The following MAP4K1 variants were observed in gnomAD, a reference collection of about 807,000 sequenced individuals.
The protein encoded by MAP4K1 is MAPK/ERK kinase kinase kinase 1.
Under a neutral mutation model 122.8 loss-of-function variants are expected in MAP4K1, and 35 were observed. The observed-to-expected ratio is 0.29, with a 90% CI of 0.22 to 0.38. MAP4K1 has a LOEUF of 0.38. MAP4K1 is among the 10% of genes least tolerant of loss of function. MAP4K1 has a pLI of 1.00. For missense variants in MAP4K1, 791 were observed against 1,072.6 expected, an observed-to-expected ratio of 0.74 and a Z score of 3.67; for synonymous variants, 412 against 421.3, an observed-to-expected ratio of 0.98 and a Z score of 0.27.
chr19:38,595,992 C>G lies in MAP4K1; in HGVS notation c.2126G>C (p.Gly709Ala). ...CTCTACCTGGGTCACCTGCACGGGT[C>G]CCCTGTGCTCTGTTTGGGGGGAGTG... is the stretch of plus-strand genomic sequence containing the variant. ...WLGEMSTEHR[G>A]PVQVTQVEED... Residue 709 changes from glycine to alanine, a missense_variant, in exon 27 of 31, where the codon GGA (glycine) becomes GCA (alanine). By Grantham distance (60) the Gly-to-Ala change is moderately conservative (BLOSUM62 0). This residue lies in a region of MAP4K1 where 267 missense variants were observed against 323.0 expected (regional missense o/e 0.83). Transcript: ENST00000396857. 6.2e-7 allele frequency: 1 copy of G among 1,613,910 alleles called. No homozygotes were observed. The highest frequency in any genetic ancestry group is 8.5e-7 in the Non-Finnish European group (1 of 1,179,890).
In MAP4K1 at chr19:38,617,577, T is replaced by C. The variant is rs774554997; in HGVS notation, c.148A>G (p.Met50Val). Residue 50 changes from methionine (M) to valine (V), a missense_variant, in exon 2 of 31, where the codon ATG becomes GTG. Met to Val is a conservative substitution (Grantham distance 21). Around this residue, in one of 4 missense-constraint regions of MAP4K1, gnomAD observed 163 missense variants for 286.1 expected, o/e 0.57. Coordinates refer to ENST00000396857, the MANE Select transcript of MAP4K1 (RefSeq NM_001042600.3). The surrounding 1 kb of genome is among the most constrained non-coding windows in gnomAD (Gnocchi z 4.1). Reference protein sequence around the residue: ...GDLVALKMVKMEPDDDVSTLQ... With the variant: ...GDLVALKMVKVEPDDDVSTLQ... ...CATGTTCCCTCCTCACCAGGCTCCA[T>C]CTTCACCATCTTCAGTGCCACCAGG... 1.2e-6 allele frequency: 2 copies of C among 1,614,038 alleles called. No homozygotes were observed. The highest frequency in any genetic ancestry group is 1.1e-5 in the South Asian group (1 of 91,074).
At chr19:38,588,584 A>G (rs148652417) in intron 30 of MAP4K1, among the ~76,000 whole-genome samples, 102 of 149,930 alleles carry the variant, frequency 6.8e-4, no homozygotes, top group Admixed American at 3.1e-3. Flanking sequence ...CCCCATCTCT[A>G]CTAAAAATAC....
chr19:38,590,374 A>G (rs1461840378), intron 30 of MAP4K1, among the ~76,000 whole-genome samples: 1 of 9,134 alleles, frequency 1.1e-4, no homozygotes, highest in African/African-American at 3.7e-4. Context: ...CTTGGACCAG[A>G]AAAAAAAAAA....
At chr19:38,602,987 C>CAT (rs200610119) in intron 19 of MAP4K1, among the ~76,000 whole-genome samples, 11,430 of 124,690 alleles carry the variant, frequency 0.092, 1,341 homozygotes, top group East Asian at 0.26. Flanking sequence ...TACGCATATA[C>CAT]ATATATACAT....
intron 17 of MAP4K1, among the ~76,000 whole-genome samples, chr19:38,605,959 A>T (rs1975317717): frequency 6.6e-6 from 1 of 151,950 alleles, no homozygotes; most frequent in Admixed American, 6.6e-5. Context: ...GGGGCTTCCT[A>T]GGACCAGCTA....
chr19:38,604,745 G>A (rs1473709832), intron 19 of MAP4K1, among the ~76,000 whole-genome samples: 7 of 149,514 alleles, frequency 4.7e-5, no homozygotes, highest in East Asian at 2.0e-4. Context: ...AGCCGAGATC[G>A]CGCCACTGCA....
At chr19:38,609,190 AG>A (rs1431622331) in intron 13 of MAP4K1, among the ~76,000 whole-genome samples, 1 of 151,992 alleles carries the variant, frequency 6.6e-6, no homozygotes, top group Non-Finnish European at 1.5e-5. Context: ...ACTGGAGTGC[AG>A]TGGCGCAATC....
At chr19:38,603,800 A>G (rs1975240174) in intron 19 of MAP4K1, among the ~76,000 whole-genome samples, 1 of 152,148 alleles carries the variant, frequency 6.6e-6, no homozygotes. Context: ...CCTGGCCAAC[A>G]TGGCAAAACT....
Position 38,616,266 on chromosome 19 carries a change from T to C in MAP4K1, c.249-7A>G. On this transcript the variant is annotated splice_polypyrimidine_tract_variant and splice_region_variant and intron_variant, in intron 3 of 30. Coordinates refer to ENST00000396857, the MANE Select transcript of MAP4K1 (RefSeq NM_001042600.3). ...GATCCAGAGTTTCTGCAACCTGCAG[T>C]GGTTCAAGAGTAAGAATAATAATAG... The C allele has an allele frequency of 6.2e-7, 1 of 1,610,088 alleles. No individual in the cohort carries two copies. Among genetic ancestry groups the C allele is most frequent in the Non-Finnish European group, 8.5e-7 (1 of 1,177,672 alleles).
chr19:38,607,827 G>A (rs1975374113), intron 16 of MAP4K1, 37 bp downstream of exon 16: 2 of 1,605,674 alleles, frequency 1.2e-6, no homozygotes, highest in Admixed American at 3.4e-5. Context: ...GGGGGCTGAG[G>A]TGGGGCCTGT....
chr19:38,588,101 G>A (rs985161065), intron 30 of MAP4K1, among the ~76,000 whole-genome samples: 5 of 152,148 alleles, frequency 3.3e-5, no homozygotes, highest in Non-Finnish European at 5.9e-5. Flanking sequence ...GCCTGAAGGG[G>A]GGTTAGGAGG....
At chr19:38,591,526 CAAAA>C (rs5828010) in intron 30 of MAP4K1, among the ~76,000 whole-genome samples, 15 of 66,670 alleles carry the variant, frequency 2.2e-4, no homozygotes, top group South Asian at 1.3e-3. Flanking sequence ...GACTCCATCT[CAAAA>C]AAAAAAAAAA....
At position 38,605,467 on chromosome 19, in the gene MAP4K1, G is replaced by A; in HGVS notation, c.1388C>T (p.Ser463Phe). The change falls in exon 19 of 31, where the codon TCC (serine) becomes TTC (phenylalanine). Residue 463 changes from serine (S) to phenylalanine (F), a missense_variant. Ser to Phe is a radical substitution (Grantham distance 155). Around this residue, in one of 4 missense-constraint regions of MAP4K1, gnomAD observed 303 missense variants for 344.8 expected, o/e 0.88. Coordinates refer to ENST00000396857, the MANE Select transcript of MAP4K1 (RefSeq NM_001042600.3). ...AAGTGGGGGCTTGTCAAGCTCCCGG[G>A]AGGGTGGGTTCCAGAGTGAGGGTTC... ...HSEPSLWNPP[S>F]RELDKPPLLP... is the part of the protein sequence containing the mutation. 1 of 1,597,848 alleles carries A rather than the reference G, an allele frequency of 6.3e-7. No individual in the cohort carries two copies. The highest frequency in any genetic ancestry group is 1.1e-5 in the South Asian group (1 of 88,330).
At chr19:38,610,967 T>C (rs913920550) in intron 11 of MAP4K1, 84 bp downstream of exon 11, 18 of 1,263,158 alleles carry the variant, frequency 1.4e-5, no homozygotes, top group Middle Eastern at 4.1e-4. Flanking sequence ...GGGGACTCCA[T>C]GGAACAAAGT....
At position 38,595,688 on chromosome 19, in the gene MAP4K1, C is replaced by T; in HGVS notation, c.2221G>A (p.Gly741Arg). ...LVTPEGSPVR[G>R]LRTPEIPMTE... ...ATGGGGATCTCAGGTGTGCGAAGTCCCCGGACTGGGGACCCCTCCGGGGTC... is the reference window on the plus strand; with the variant it reads ...ATGGGGATCTCAGGTGTGCGAAGTCTCCGGACTGGGGACCCCTCCGGGGTC... Residue 741 changes from glycine to arginine, a missense_variant, in exon 28 of 31, where the codon GGA becomes AGA. Gly to Arg is a moderately radical substitution (Grantham distance 125). Transcript: ENST00000396857. The T allele has an allele frequency of 6.2e-7, 1 of 1,612,730 alleles. No homozygotes were observed. The highest frequency in any genetic ancestry group is 8.5e-7 in the Non-Finnish European group (1 of 1,179,272).
At chr19:38,591,970 C>CAA (rs34002038) in intron 30 of MAP4K1, among the ~76,000 whole-genome samples, 2,986 of 84,930 alleles carry the variant, frequency 0.035, 99 homozygotes, top group African/African-American at 0.11. Context: ...GAATCCGTCT[C>CAA]AAAAAAAAAA....
At chr19:38,604,128 C>CAA (rs200072842) in intron 19 of MAP4K1, among the ~76,000 whole-genome samples, 979 of 52,670 alleles carry the variant, frequency 0.019, 50 homozygotes, top group African/African-American at 0.036. Context: ...GATACTATCT[C>CAA]AAAAAAAAAA....
chr19:38,608,620 GC>G (rs1975399836), intron 13 of MAP4K1, among the ~76,000 whole-genome samples: 1 of 151,438 alleles, frequency 6.6e-6, no homozygotes, highest in South Asian at 2.1e-4. Context: ...ACATGGTGAA[GC>G]CCCGTCTCTA....
rs1975429809 is a variant in MAP4K1 at position 38,609,488 on chromosome 19, A to G, written c.1006+108T>C. On this transcript the variant is annotated intron_variant, in intron 13 of 30. Transcript: ENST00000396857. The stretch of plus-strand genomic sequence containing the variant: ...GATGAGATTGTCTGGGGTCTCTTAT[A>G]GGATCAGATGATGCTGAGGGTCTCT... The G allele has an allele frequency of 5.3e-6, 5 of 941,524 alleles. No homozygotes were observed. The African/African-American group carries it at 8.1e-5, about 15-fold the overall frequency. The allele number at this position is 941,524 out of a possible 1,614,324, so 58.3% of individuals were successfully genotyped here. A position where few individuals can be genotyped will look rare whatever the true frequency, so the allele number is the denominator to read the frequency against.
Sources: gnomAD v4.1 joint callset for allele counts (sites outside exome capture counted in the v4.1 genomes callset) on GRCh38, gnomAD v4.1.1 for gene constraint, gnomAD v4.1.1 regional missense constraint, Gnocchi (gnomAD v3.1) non-coding constraint, MANE v1.5 for transcripts, NCBI Gene and HGNC (gene_info 2026-07-23, HGNC 2026-07-21) for gene names.